The following GARRE1 variants were observed in gnomAD, a reference collection of about 807,000 sequenced individuals.
GARRE1 encodes the protein granule associated Rac and RHOG effector protein 1.
A neutral mutation model predicts 103.2 loss-of-function variants in GARRE1; 49 were observed. The ratio of observed to expected loss-of-function variants is 0.47; its 90% confidence interval spans 0.38 to 0.60. GARRE1 has a LOEUF of 0.60. Ranked by LOEUF, GARRE1 falls within the 20% of genes least tolerant of loss-of-function variation. The pLI, the probability that GARRE1 is intolerant of heterozygous loss-of-function variation, is 0.00. For missense variants in GARRE1, 1,199 were observed against 1,370.5 expected, an observed-to-expected ratio of 0.87 and a Z score of 1.98; for synonymous variants, 505 against 532.8, an observed-to-expected ratio of 0.95 and a Z score of 0.72.
intron 1 of GARRE1, among the ~76,000 whole-genome samples, chr19:34,289,669 C>T (rs540560452): frequency 1.2e-4 from 17 of 146,980 alleles, no homozygotes; most frequent in Admixed American, 8.8e-4. Context: ...GGTTGCAGTG[C>T]GCCAAGATCA....
chr19:34,323,499 C>G (rs1481107731), intron 3 of GARRE1, among the ~76,000 whole-genome samples: 1 of 152,154 alleles, frequency 6.6e-6, no homozygotes, highest in East Asian at 1.9e-4. Flanking sequence ...ATGTTTTGGT[C>G]TGTCTTTCAT....
chr19:34,350,592 G>GT lies in GARRE1; in HGVS notation c.2826-915dup, dbSNP rs1470111816. 5.3e-5 allele frequency among the ~76,000 whole-genome samples: 8 copies of GT among 151,592 alleles called. No homozygotes were observed. The East Asian group carries it at 9.7e-4, about 18-fold the overall frequency. On this transcript the variant is annotated intron_variant, in intron 12 of 13. Coordinates refer to ENST00000299505, the MANE Select transcript of GARRE1 (RefSeq NM_014686.5). ...GGAAACAGTATCTCTCTCTTTTTTT[G>GT]TTTTTTTGAGACGGAGTCTCGCTCT...
chr19:34,265,197 G>A (rs939600451), intron 1 of GARRE1, among the ~76,000 whole-genome samples: 1 of 152,090 alleles, frequency 6.6e-6, no homozygotes. Flanking sequence ...GAAATAACTC[G>A]CATCTTCCCT....
At chr19:34,344,272 T>C (rs1200138138) in intron 10 of GARRE1, among the ~76,000 whole-genome samples, 1 of 152,196 alleles carries the variant, frequency 6.6e-6, no homozygotes, top group Non-Finnish European at 1.5e-5. Flanking sequence ...TAGCAAATAC[T>C]TGTACAAGTA....
chr19:34,342,078 C>T lies in GARRE1; in HGVS notation c.2144C>T (p.Pro715Leu), dbSNP rs1397500540. 6.2e-6 allele frequency: 10 copies of T among 1,614,028 alleles called. No individual in the cohort carries two copies. Among genetic ancestry groups the T allele is most frequent in the Middle Eastern group, 1.6e-4 (1 of 6,084 alleles). The change falls in exon 10 of 14, where the codon CCG becomes CTG. Residue 715 changes from proline to leucine, a missense_variant. By Grantham distance (98) the Pro-to-Leu change is moderately conservative (BLOSUM62 -3). Coordinates refer to ENST00000299505, the MANE Select transcript of GARRE1 (RefSeq NM_014686.5). The part of the protein sequence containing the change: ...AGAHTPLTPQ[P>L]GLAPQQQSPK... ...GCACACACACCTCTGACACCCCAGC[C>T]GGGACTGGCACCTCAGCAGCAGTCC...
chr19:34,322,421 C>T (rs1265021420), intron 3 of GARRE1, among the ~76,000 whole-genome samples: 3 of 152,082 alleles, frequency 2.0e-5, no homozygotes, highest in African/African-American at 7.2e-5. Flanking sequence ...ATCCACCTGC[C>T]TTGTCCTTCC....
intron 2 of GARRE1, among the ~76,000 whole-genome samples, chr19:34,313,568 G>T: frequency 6.6e-6 from 1 of 152,190 alleles, no homozygotes. Context: ...TCATGATGAG[G>T]ATAATGTTCA....
chr19:34,351,883 T>G lies in GARRE1; in HGVS notation c.2904+291T>G, dbSNP rs1208397439. Among the ~76,000 whole-genome samples the G allele has an allele frequency of 4.6e-5, 7 of 151,484 alleles. No individual in the cohort carries two copies. The East Asian group carries it at 1.4e-3, about 30-fold the overall frequency. ...TGGGAGGCCAAGGCAGAAGGATGGC[T>G]TGAGGCCAGGAGTTCTTGACCAGCC... is the stretch of plus-strand genomic sequence containing the variant. On this transcript the variant is annotated intron_variant, in intron 13 of 13. Coordinates refer to ENST00000299505, the MANE Select transcript of GARRE1 (RefSeq NM_014686.5).
rs148944758 is a variant in GARRE1 at position 34,315,528 on chromosome 19, G to A, written c.496-4379G>A. On this transcript the variant is annotated intron_variant, in intron 2 of 13. Transcript: ENST00000299505. ...AGATCAAGACCATCCTGGCTAACAC[G>A]GTGAAACCCTGTCTCTACTAAAAAT... Among the ~76,000 whole-genome samples the A allele has an allele frequency of 1.2e-4, 19 of 152,104 alleles. No homozygotes were observed. The East Asian group carries it at 3.7e-3, about 29-fold the overall frequency.
chr19:34,333,596 A>G, intron 7 of GARRE1, 108 bp from the exon 8 acceptor site: 5 of 693,760 alleles, frequency 7.2e-6, no homozygotes, highest in Non-Finnish European at 7.3e-6. Context: ...CTAGGCTGCT[A>G]GGGGAATAGT....
At chr19:34,267,272 C>T (rs959117563) in intron 1 of GARRE1, among the ~76,000 whole-genome samples, 3 of 152,184 alleles carry the variant, frequency 2.0e-5, no homozygotes, top group South Asian at 4.1e-4. Context: ...TGTAAGGTCT[C>T]ACTGCAGCCT....
Position 34,348,009 on chromosome 19 carries a change from G to GGC in GARRE1, c.2655_2656insCG (p.Thr886ArgfsTer82), listed in dbSNP as rs2074220357. The GGC allele has an allele frequency of 1.3e-6, 2 of 1,524,964 alleles. No homozygotes were observed. Among genetic ancestry groups the GGC allele is most frequent in the East Asian group, 2.5e-5 (1 of 40,420 alleles). The allele number at this position is 1,524,964 out of a possible 1,614,324, so 94.5% of individuals were successfully genotyped here. ...TGGCCGCCTATGGATGACGCGCATCGGACCTGGCCCTTCCCCGAGTTCTTC... is the reference window on the plus strand; with the variant it reads ...TGGCCGCCTATGGATGACGCGCATCGGCGACCTGGCCCTTCCCCGAGTTCTTC... On this transcript the variant is annotated frameshift_variant, in exon 11 of 14. Coordinates refer to ENST00000299505, the MANE Select transcript of GARRE1 (RefSeq NM_014686.5). LOFTEE classifies it high-confidence loss of function.
At chr19:34,335,242 AC>A (rs989726614) in intron 8 of GARRE1, among the ~76,000 whole-genome samples, 2 of 152,150 alleles carry the variant, frequency 1.3e-5, no homozygotes, top group African/African-American at 2.4e-5. Flanking sequence ...AAGGGATATG[AC>A]CTCAACAATT....
rs1048151787 is a variant in GARRE1 at position 34,353,382 on chromosome 19, A to G, written c.*427A>G. On this transcript the variant is annotated 3_prime_UTR_variant, in exon 14 of 14. Coordinates refer to ENST00000299505, the MANE Select transcript of GARRE1 (RefSeq NM_014686.5). ...GGAAACCCTCTCCTCCCTCCTCCAC[A>G]CCTTGAGTGATGACCACACCAATCA... 1.1e-4 allele frequency: 20 copies of G among 189,526 alleles called. No individual in the cohort carries two copies. Among genetic ancestry groups the G allele is most frequent in the African/African-American group, 4.2e-4 (18 of 43,022 alleles). The allele number at this position is 189,526 out of a possible 1,614,324, so 11.7% of individuals were successfully genotyped here.
intron 1 of GARRE1, among the ~76,000 whole-genome samples, chr19:34,277,910 C>CCG (rs1430979622): frequency 1.8e-5 from 2 of 108,980 alleles, no homozygotes; most frequent in Non-Finnish European, 3.6e-5. Context: ...CACCCCCCCC[C>CCG]CCCACCCCCA....
At position 34,354,736 on chromosome 19, in the gene GARRE1, A is replaced by G. The variant is rs1205388400; in HGVS notation, c.*1781A>G. ...TGTATGTATGTAAACACACACACTA[A>G]TTTGAGAGGACCCGTAGGGTGTCTG... On this transcript the variant is annotated 3_prime_UTR_variant, in exon 14 of 14. Coordinates refer to ENST00000299505, the MANE Select transcript of GARRE1 (RefSeq NM_014686.5). 6.6e-6 allele frequency: 1 copy of G among 152,508 alleles called. No homozygotes were observed. Among genetic ancestry groups the G allele is most frequent in the Admixed American group, 6.6e-5 (1 of 15,256 alleles). 9.4% of individuals were successfully genotyped at this position (152,508 alleles called of 1,614,324 possible).
chr19:34,291,105 A>G (rs1021592099), intron 1 of GARRE1, among the ~76,000 whole-genome samples: 1 of 151,494 alleles, frequency 6.6e-6, no homozygotes, highest in Non-Finnish European at 1.5e-5. Flanking sequence ...ACGAGCTTTC[A>G]CCATGTTGGC....
chr19:34,317,242 T>G (rs1237571487), intron 2 of GARRE1, among the ~76,000 whole-genome samples: 1 of 152,276 alleles, frequency 6.6e-6, no homozygotes, highest in Non-Finnish European at 1.5e-5. Context: ...CCCATTAGAA[T>G]GTCGCCCTGG....
intron 1 of GARRE1, chr19:34,296,536 C>T (rs540236271): frequency 1.7e-4 from 278 of 1,595,424 alleles, no homozygotes; most frequent in South Asian, 2.5e-4. Flanking sequence ...TTGATAGCCT[C>T]GGCACGTGCA....
Sources: gnomAD v4.1 joint callset for allele counts (sites outside exome capture counted in the v4.1 genomes callset) on GRCh38, gnomAD v4.1.1 for gene constraint, MANE v1.5 for transcripts, NCBI Gene and HGNC (gene_info 2026-07-23, HGNC 2026-07-21) for gene names.